The following STK32A variants were observed in gnomAD, a reference collection of about 807,000 sequenced individuals.
STK32A encodes serine/threonine-protein kinase 32A.
Under a neutral mutation model 53.2 loss-of-function variants are expected in STK32A, and 41 were observed. The ratio of observed to expected loss-of-function variants is 0.77; its 90% CI spans 0.60 to 1.00. STK32A has a LOEUF of 1.00. STK32A is among the 50% of genes least tolerant of loss of function. The pLI, the probability that STK32A is intolerant of heterozygous loss-of-function variation, is 0.00. For missense variants in STK32A, 458 were observed against 485.8 expected, an observed-to-expected ratio of 0.94 and a Z score of 0.54; for synonymous variants, 166 against 162.8, an observed-to-expected ratio of 1.02 and a Z score of -0.15.
intron 7 of STK32A, among the ~76,000 whole-genome samples, chr5:147,353,050 C>G (rs1304090453): frequency 1.3e-5 from 2 of 152,136 alleles, no homozygotes; most frequent in African/African-American, 4.8e-5. Flanking sequence ...GTAATTCCTC[C>G]GTGTAGCTAG....
chr5:147,279,112 T>C, intron 3 of STK32A, 135 bp from the exon 4 acceptor site: 1 of 640,620 alleles, frequency 1.6e-6, no homozygotes, highest in Admixed American at 3.5e-5. Context: ...CAGAGCTAAG[T>C]GGGAGCTTTT....
At chr5:147,264,193 C>T (rs1343272749) in intron 2 of STK32A, among the ~76,000 whole-genome samples, 4 of 152,116 alleles carry the variant, frequency 2.6e-5, no homozygotes, top group African/African-American at 2.4e-5. Context: ...TTAAAATGTG[C>T]TTCAGTAAAA....
At chr5:147,300,334 C>T (rs1753069477) in intron 4 of STK32A, among the ~76,000 whole-genome samples, 1 of 152,154 alleles carries the variant, frequency 6.6e-6, no homozygotes, top group South Asian at 2.1e-4. Context: ...ACTTCAAAGC[C>T]TCTGCTCTTC....
At chr5:147,290,863 G>C (rs1752567747) in intron 4 of STK32A, among the ~76,000 whole-genome samples, 1 of 152,124 alleles carries the variant, frequency 6.6e-6, no homozygotes, top group Non-Finnish European at 1.5e-5. Context: ...TGCCCAGAAT[G>C]TACACTCCAA....
chr5:147,336,990 T>A (rs1201414797), intron 5 of STK32A, among the ~76,000 whole-genome samples: 2 of 152,196 alleles, frequency 1.3e-5, no homozygotes, highest in Non-Finnish European at 2.9e-5. Context: ...TATTTTCATG[T>A]ACATGTACCG....
At chr5:147,264,555 A>G (rs938693894) in intron 2 of STK32A, among the ~76,000 whole-genome samples, 2 of 152,208 alleles carry the variant, frequency 1.3e-5, no homozygotes, top group African/African-American at 2.4e-5. Flanking sequence ...CTACAACCCA[A>G]TTGAGCCTAC....
intron 4 of STK32A, among the ~76,000 whole-genome samples, chr5:147,291,858 G>C (rs756042075): frequency 6.6e-6 from 1 of 152,102 alleles, no homozygotes; most frequent in Non-Finnish European, 1.5e-5. Flanking sequence ...ATAAGCTTTA[G>C]TATTATATTT....
rs758280103 is a variant in STK32A, at chr5:147,351,047, GTTC to G, written c.473-13_473-11del. 113 of 1,611,050 alleles carry G rather than the reference GTTC, an allele frequency of 7.0e-5. 1 individual carries two copies. In the South Asian group the frequency reaches 9.1e-4, roughly 13 times the overall value. On this transcript the variant is annotated splice_polypyrimidine_tract_variant and intron_variant, in intron 6 of 12. Transcript: ENST00000397936. The stretch of plus-strand genomic sequence containing the variant: ...TGAATGGGACTTAACTTTCTGTGTG[GTTC>G]TTCTCTCTCTGCAGGGCACGTGCAC...
chr5:147,378,873 T>C, intron 11 of STK32A, among the ~76,000 whole-genome samples: 1 of 136,440 alleles, frequency 7.3e-6, no homozygotes, highest in Non-Finnish European at 1.6e-5. Flanking sequence ...TTTTTTTTTT[T>C]TTTTTTTTGC....
intron 10 of STK32A, among the ~76,000 whole-genome samples, chr5:147,374,506 A>G (rs779895241): frequency 2.6e-5 from 4 of 152,116 alleles, no homozygotes; most frequent in Non-Finnish European, 5.9e-5. Flanking sequence ...TGTGGGGTCC[A>G]TTAGGGGCAA....
intron 4 of STK32A, among the ~76,000 whole-genome samples, chr5:147,292,505 A>G (rs1243905736): frequency 6.6e-6 from 1 of 152,240 alleles, no homozygotes; most frequent in Admixed American, 6.5e-5. Flanking sequence ...TAGCTCAAAA[A>G]AAATTCTTGA....
At chr5:147,360,468 G>A (rs59261879) in intron 7 of STK32A, among the ~76,000 whole-genome samples, 4,035 of 98,682 alleles carry the variant, frequency 0.041, 52 homozygotes, top group African/African-American at 0.13. Context: ...AAAAAAAAAA[G>A]AAAAAAAAAA....
At chr5:147,397,842 C>T in the STK32A span, 1 of 1,601,382 alleles carries the variant, frequency 6.2e-7, no homozygotes, top group Non-Finnish European at 8.5e-7. Flanking sequence ...TTGTACTCTG[C>T]CGCCTAGAGG....
At chr5:147,401,650 A>G in the STK32A span, 3 of 1,614,058 alleles carry the variant, frequency 1.9e-6, no homozygotes, top group Non-Finnish European at 1.7e-6. Context: ...AATGGGTTCC[A>G]TCTATGCCGA....
At chr5:147,394,115 C>G in the STK32A span, 2 of 1,614,026 alleles carry the variant, frequency 1.2e-6, no homozygotes, top group East Asian at 4.5e-5. Context: ...CCCTCATCCA[C>G]TTGGGTGCCT....
chr5:147,359,831 G>T (rs1756413526), intron 7 of STK32A, among the ~76,000 whole-genome samples: 1 of 152,124 alleles, frequency 6.6e-6, no homozygotes. Flanking sequence ...CTTATAGTCA[G>T]GGCCAGTCCC....
intron 7 of STK32A, among the ~76,000 whole-genome samples, chr5:147,360,450 C>CAAAAAAAAAAAAAAAAA (rs56690647): frequency 1.2e-5 from 1 of 81,190 alleles, no homozygotes; most frequent in Non-Finnish European, 2.5e-5. Flanking sequence ...GATTCTGTCT[C>CAAAAAAAAAAAAAAAAA]AAAAAAAAAA....
intron 5 of STK32A, among the ~76,000 whole-genome samples, chr5:147,341,912 T>C (rs1009502528): frequency 6.6e-6 from 1 of 152,178 alleles, no homozygotes; most frequent in African/African-American, 2.4e-5. Flanking sequence ...AAAACCCACC[T>C]TCTTCCAATG....
At chr5:147,297,175 A>G (rs1752906446) in intron 4 of STK32A, among the ~76,000 whole-genome samples, 1 of 152,138 alleles carries the variant, frequency 6.6e-6, no homozygotes, top group Non-Finnish European at 1.5e-5. Flanking sequence ...AACCAAAGAC[A>G]GCTCAAAGAA....
Sources: allele counts gnomAD v4.1 joint callset (sites outside exome capture counted in the v4.1 genomes callset), GRCh38; gene constraint gnomAD v4.1.1; transcripts MANE v1.5; gene names NCBI Gene and HGNC (gene_info 2026-07-23, HGNC 2026-07-21).